Variants in RNF111 observed in about 807,000 individuals in gnomAD.
RNF111 encodes E3 ubiquitin-protein ligase Arkadia.
Under a neutral mutation model 95.1 loss-of-function variants are expected in RNF111, and 17 were observed. The observed-to-expected ratio is 0.18, with a 90% CI of 0.12 to 0.27. The LOEUF is 0.27. RNF111 is among the 10% of genes least tolerant of loss of function. RNF111 has a pLI of 1.00. For missense variants in RNF111, 1,189 were observed against 1,210.4 expected (o/e 0.98, Z 0.26); for synonymous variants, 440 against 414.8 (o/e 1.06, Z -0.74).
At chr15:58,990,953 T>C (rs1029450226) in intron 1 of RNF111, among the ~76,000 whole-genome samples, 1 of 152,150 alleles carries the variant, frequency 6.6e-6, no homozygotes, top group Non-Finnish European at 1.5e-5. Context: ...CTACAGGTAC[T>C]CAATTTATAT....
At position 59,085,807 on chromosome 15, in the gene RNF111, AT is replaced by A. The variant is rs775219414; in HGVS notation, c.2550+26del. The A allele has an allele frequency of 6.8e-6, 11 of 1,606,506 alleles. No individual in the cohort carries two copies. In the South Asian group the frequency reaches 1.2e-4, roughly 18 times the overall value. Reference sequence around the variant, plus strand: ...AATGGTAAAATGGAAAATTTTCAAAATTTTGACATGTTCTAAAAGTTCCTTT... The same window carrying A: ...AATGGTAAAATGGAAAATTTTCAAAATTTGACATGTTCTAAAAGTTCCTTT... On this transcript the variant is annotated intron_variant, in intron 10 of 13. Coordinates refer to ENST00000348370, the MANE Select transcript of RNF111 (RefSeq NM_017610.8).
At chr15:59,094,320 T>C (rs557656845) in intron 13 of RNF111, among the ~76,000 whole-genome samples, 21 of 152,356 alleles carry the variant, frequency 1.4e-4, no homozygotes, top group African/African-American at 3.6e-4. Context: ...GTGTAGTTAC[T>C]ATATATTTGC....
intron 1 of RNF111, among the ~76,000 whole-genome samples, chr15:59,005,102 A>G (rs1374531106): frequency 6.6e-6 from 1 of 152,164 alleles, no homozygotes; most frequent in Non-Finnish European, 1.5e-5. Context: ...CCAAATTCCA[A>G]CTTTCAGTAT....
At chr15:59,085,823 A>G in intron 10 of RNF111, 38 bp downstream of exon 10, 1 of 1,580,612 alleles carries the variant, frequency 6.3e-7, no homozygotes, top group Non-Finnish European at 8.7e-7. Flanking sequence ...ACATGTTCTA[A>G]AAGTTCCTTT....
At chr15:59,067,711 G>A (rs1334220087) in intron 6 of RNF111, among the ~76,000 whole-genome samples, 2 of 152,166 alleles carry the variant, frequency 1.3e-5, no homozygotes, top group African/African-American at 4.8e-5. Context: ...AGTTGGATCT[G>A]ATTTTTGGGA....
At chr15:59,080,401 T>C (rs1466896319) in intron 7 of RNF111, among the ~76,000 whole-genome samples, 1 of 152,110 alleles carries the variant, frequency 6.6e-6, no homozygotes, top group African/African-American at 2.4e-5. Flanking sequence ...GGATTACAGG[T>C]GTGAGCCACG....
At chr15:59,031,724 A>G in intron 2 of RNF111, 22 bp downstream of exon 2, 1 of 1,601,744 alleles carries the variant, frequency 6.2e-7, no homozygotes, top group Non-Finnish European at 8.5e-7. Flanking sequence ...TAAGCTGAGT[A>G]AAACATGGAA....
chr15:59,015,685 C>T (rs1322985890), intron 1 of RNF111, among the ~76,000 whole-genome samples: 1 of 151,214 alleles, frequency 6.6e-6, no homozygotes, highest in Non-Finnish European at 1.5e-5. Context: ...TAGATGTTGC[C>T]ATTTCTTAGC....
At chr15:59,090,224 GTTT>G in intron 11 of RNF111, among the ~76,000 whole-genome samples, 1 of 151,888 alleles carries the variant, frequency 6.6e-6, no homozygotes, top group Non-Finnish European at 1.5e-5. Context: ...TTGTTTGTTT[GTTT>G]GTTTGTTGTT....
chr15:59,080,887 T>A, intron 7 of RNF111, 49 bp from the exon 8 acceptor site: 1 of 1,393,302 alleles, frequency 7.2e-7, no homozygotes, highest in Non-Finnish European at 1.0e-6. Context: ...GCAATATATG[T>A]TCAACTGCAT....
intron 1 of RNF111, among the ~76,000 whole-genome samples, chr15:59,003,545 C>T (rs1252569310): frequency 1.3e-5 from 2 of 151,702 alleles, no homozygotes; most frequent in Admixed American, 6.6e-5. Flanking sequence ...ACTACAGGTG[C>T]GTGCTACCAC....
chr15:59,069,430 C>T (rs1204415086), intron 6 of RNF111, among the ~76,000 whole-genome samples: 1 of 152,152 alleles, frequency 6.6e-6, no homozygotes, highest in Non-Finnish European at 1.5e-5. Context: ...GTCTCATTTA[C>T]AGAATATTTT....
intron 2 of RNF111, among the ~76,000 whole-genome samples, chr15:59,037,210 C>A (rs891525769): frequency 6.6e-6 from 1 of 152,038 alleles, no homozygotes; most frequent in Non-Finnish European, 1.5e-5. Context: ...TGGCTTTTAA[C>A]TTTATTAGGG....
rs540859051 is a variant in RNF111 at position 59,011,920 on chromosome 15, G to A, written c.-19-18884G>A. On this transcript the variant is annotated intron_variant, in intron 1 of 13. Coordinates refer to ENST00000348370, the MANE Select transcript of RNF111 (RefSeq NM_017610.8). ...TGTCTTATGGTTCACTACCAAACTAGGATTGTCAAAGTTGGGACCAAAGAT... is the reference window on the plus strand; with the variant it reads ...TGTCTTATGGTTCACTACCAAACTAAGATTGTCAAAGTTGGGACCAAAGAT... Among the ~76,000 whole-genome samples, 41 of 151,122 alleles carry A rather than the reference G, an allele frequency of 2.7e-4. No individual in the cohort carries two copies. In the Middle Eastern group the frequency reaches 0.021, roughly 76 times the overall value.
At chr15:59,067,131 C>T (rs377385476) in intron 6 of RNF111, 48 bp downstream of exon 6, 43 of 1,442,178 alleles carry the variant, frequency 3.0e-5, no homozygotes, top group African/African-American at 5.6e-5. Flanking sequence ...TCTTGTCTCT[C>T]TCTCTCTCTC....
In RNF111 at chr15:58,988,565, A is replaced by G. The variant is rs115878416; in HGVS notation, c.-20+497A>G. On this transcript the variant is annotated intron_variant, in intron 1 of 13. Transcript: ENST00000348370. ...TGGCTTGTTGGTCATTTAAAAAGAAACTGATGTTTTTACTATTGTCCTTCG... is the reference window on the plus strand; with the variant it reads ...TGGCTTGTTGGTCATTTAAAAAGAAGCTGATGTTTTTACTATTGTCCTTCG... Among the ~76,000 whole-genome samples the G allele has an allele frequency of 4.9e-3, 748 of 152,290 alleles. 9 individuals are homozygous for G. Among genetic ancestry groups the G allele is most frequent in the African/African-American group, 0.017 (720 of 41,554 alleles).
intron 1 of RNF111, among the ~76,000 whole-genome samples, chr15:58,997,051 C>G (rs942035160): frequency 8.0e-4 from 122 of 152,002 alleles, no homozygotes; most frequent in African/African-American, 2.7e-3. Flanking sequence ...TTAATTTTTA[C>G]TTAGTTTTCA....
chr15:58,988,492 A>C (rs1401301464), intron 1 of RNF111: 1 of 152,374 alleles, frequency 6.6e-6, no homozygotes. Context: ...AAGGAAACGT[A>C]GTCCGCGGAA....
chr15:59,074,017 G>C (rs2043059230), intron 6 of RNF111, among the ~76,000 whole-genome samples: 1 of 152,018 alleles, frequency 6.6e-6, no homozygotes, highest in Non-Finnish European at 1.5e-5. Context: ...TCTTTTTTGA[G>C]AAAAGGTCTC....
Sources: allele counts gnomAD v4.1 joint callset (sites outside exome capture counted in the v4.1 genomes callset), GRCh38; gene constraint gnomAD v4.1.1; transcripts MANE v1.5; gene names NCBI Gene and HGNC (gene_info 2026-07-23, HGNC 2026-07-21).